Variants in DIP2A observed in about 807,000 individuals in gnomAD.
DIP2A encodes disco-interacting protein 2 homolog A.
A neutral mutation model predicts 177.4 loss-of-function variants in DIP2A; 85 were observed. The ratio of observed to expected loss-of-function variants is 0.48; its 90% CI spans 0.40 to 0.57. The LOEUF (loss-of-function observed/expected upper bound fraction) is 0.57, where lower values mean the gene tolerates loss of function less well. Among genes scored for constraint, DIP2A ranks in the 20% least tolerant of loss-of-function variants. The pLI, the probability that DIP2A is intolerant of heterozygous loss-of-function variation, is 0.00. For synonymous variants in DIP2A, 886 were observed against 881.8 expected (o/e 1.00, Z -0.08); for missense variants, 1,791 against 2,100.2 (o/e 0.85, Z 2.88).
At chr21:46,483,910 GTT>G (rs1213804163) in intron 1 of DIP2A, among the ~76,000 whole-genome samples, 1 of 152,182 alleles carries the variant, frequency 6.6e-6, no homozygotes, top group Non-Finnish European at 1.5e-5. Context: ...CACATCCCCT[GTT>G]AGAACTTCCA....
In DIP2A at chr21:46,467,737, TTTTG is replaced by T. The variant is rs137884260; in HGVS notation, c.91+8523_91+8526del. 7.2e-3 allele frequency among the ~76,000 whole-genome samples: 1,099 copies of T among 152,130 alleles called. 8 individuals are homozygous for T. The highest frequency in any genetic ancestry group is 0.025 in the African/African-American group (1,056 of 41,518). Reference sequence around the variant, plus strand: ...ATGTTTCGGGAATACCCTCTTTAGGTTTTGTTTGTTTTTTTTTTCATAGTAAATT... The same window carrying T: ...ATGTTTCGGGAATACCCTCTTTAGGTTTTGTTTTTTTTTTCATAGTAAATT... On this transcript the variant is annotated intron_variant, in intron 1 of 37. Coordinates refer to ENST00000417564, the MANE Select transcript of DIP2A (RefSeq NM_015151.4).
In DIP2A at chr21:46,567,841, T is replaced by TG; in HGVS notation, c.*221dup. On this transcript the variant is annotated 3_prime_UTR_variant, in exon 38 of 38. Transcript: ENST00000417564. ...AGTACATTTACAAAAACACGGATGC[T>TG]GGTATTTTAACAGATGGAGAGACAA... 4.0e-6 allele frequency: 2 copies of TG among 505,068 alleles called. No individual in the cohort carries two copies. Among genetic ancestry groups the TG allele is most frequent in the Non-Finnish European group, 6.5e-6 (2 of 306,938 alleles). 31.3% of individuals were successfully genotyped at this position (505,068 alleles called of 1,614,324 possible).
intron 21 of DIP2A, 149 bp downstream of exon 21, chr21:46,547,191 A>C: frequency 7.0e-7 from 1 of 1,425,550 alleles, no homozygotes; most frequent in Non-Finnish European, 9.2e-7. Context: ...GTAAAAGGAA[A>C]ATATTTGCAG....
intron 25 of DIP2A, among the ~76,000 whole-genome samples, chr21:46,552,331 G>A (rs1437074028): frequency 6.6e-6 from 1 of 152,154 alleles, no homozygotes; most frequent in African/African-American, 2.4e-5. Flanking sequence ...AATGACAAAT[G>A]TTGCTTCCTG....
intron 12 of DIP2A, among the ~76,000 whole-genome samples, chr21:46,534,332 G>A (rs1360708682): frequency 6.6e-6 from 1 of 152,126 alleles, no homozygotes; most frequent in Non-Finnish European, 1.5e-5. Flanking sequence ...GCTCCCTGGG[G>A]ATGCAGACAG....
At chr21:46,464,129 C>T (rs2054587183) in intron 1 of DIP2A, among the ~76,000 whole-genome samples, 2 of 152,006 alleles carry the variant, frequency 1.3e-5, no homozygotes, top group African/African-American at 2.4e-5. Flanking sequence ...CGCAGTGGCT[C>T]ACACCTGTAA....
At chr21:46,467,658 A>G (rs1417469659) in intron 1 of DIP2A, among the ~76,000 whole-genome samples, 1 of 152,226 alleles carries the variant, frequency 6.6e-6, no homozygotes, top group East Asian at 1.9e-4. Context: ...AATCTTTAAA[A>G]GTTACACTTA....
chr21:46,527,628 G>T (rs1299714926), intron 8 of DIP2A, among the ~76,000 whole-genome samples: 1 of 151,422 alleles, frequency 6.6e-6, no homozygotes, highest in Non-Finnish European at 1.5e-5. Flanking sequence ...GCCCAGTCTA[G>T]TATTTTTTTT....
chr21:46,561,162 A>G (rs1012580227), intron 33 of DIP2A: 2 of 471,744 alleles, frequency 4.2e-6, no homozygotes, highest in Non-Finnish European at 6.2e-6. Flanking sequence ...CAAGTAACCC[A>G]TCTACTGGCA....
chr21:46,507,050 A>G (rs1158360517), intron 6 of DIP2A, among the ~76,000 whole-genome samples: 1 of 151,804 alleles, frequency 6.6e-6, no homozygotes, highest in African/African-American at 2.4e-5. Flanking sequence ...CTGGGATTAC[A>G]GTGTGAGCCA....
chr21:46,552,049 T>G (rs932261144), intron 25 of DIP2A, 145 bp downstream of exon 25: 15 of 969,492 alleles, frequency 1.5e-5, no homozygotes, highest in Admixed American at 4.1e-5. Flanking sequence ...GTCCTGGTTG[T>G]TCTCATGCGT....
Position 46,554,952 on chromosome 21 carries a change from CCCAGGA to C in DIP2A, c.3388+24_3388+29del, listed in dbSNP as rs2060410902. The stretch of plus-strand genomic sequence containing the variant: ...GACACAGGTGCGTGTCCTCGCACTG[CCCAGGA>C]CCAGTCCCTTTTCCTTTCTTTGTTG... On this transcript the variant is annotated intron_variant, in intron 28 of 37. Coordinates refer to ENST00000417564, the MANE Select transcript of DIP2A (RefSeq NM_015151.4). 1 of 1,543,566 alleles carries C rather than the reference CCCAGGA, an allele frequency of 6.5e-7. No individual in the cohort carries two copies. The highest frequency in any genetic ancestry group is 1.4e-5 in the African/African-American group (1 of 72,912).
chr21:46,511,311 T>C lies in DIP2A; in HGVS notation c.905-106T>C. The C allele has an allele frequency of 2.5e-6, 3 of 1,194,186 alleles. No homozygotes were observed. The East Asian group carries it at 8.1e-5, about 32-fold the overall frequency. The allele number at this position is 1,194,186 out of a possible 1,614,324, so 74.0% of individuals were successfully genotyped here. On this transcript the variant is annotated intron_variant, in intron 7 of 37. Coordinates refer to ENST00000417564, the MANE Select transcript of DIP2A (RefSeq NM_015151.4). ...CGAAACAAATTATTGTAAGCTTTTT[T>C]ATAGTTGGGATTAAAAAACAATATT...
downstream of DIP2A, among the ~76,000 whole-genome samples, chr21:46,574,253 C>G (rs1285939877): frequency 6.6e-6 from 1 of 151,828 alleles, no homozygotes; most frequent in Non-Finnish European, 1.5e-5. Context: ...ACCAATGGAT[C>G]AAAGAAGAAA....
chr21:46,576,049 A>C, the DIP2A span, among the ~76,000 whole-genome samples: 1 of 152,228 alleles, frequency 6.6e-6, no homozygotes, highest in Admixed American at 6.5e-5. Context: ...AGATAAGCAA[A>C]TTTTGTTGTT....
At chr21:46,534,552 C>A (rs371757549) in intron 12 of DIP2A, 33 bp from the exon 13 acceptor site, 1 of 1,590,182 alleles carries the variant, frequency 6.3e-7, no homozygotes, top group Non-Finnish European at 8.6e-7. Context: ...TCTAGAAATA[C>A]CACATCATGT....
At chr21:46,558,129 T>C in intron 31 of DIP2A, 94 bp from the exon 32 acceptor site, 3 of 1,337,416 alleles carry the variant, frequency 2.2e-6, no homozygotes, top group Non-Finnish European at 3.0e-6. Flanking sequence ...GCTCCACCTC[T>C]GTGTGCCCAC....
chr21:46,480,596 T>A (rs186943943), intron 1 of DIP2A, among the ~76,000 whole-genome samples: 1 of 152,286 alleles, frequency 6.6e-6, no homozygotes, highest in East Asian at 1.9e-4. Context: ...TGCCTTGGGA[T>A]CCTGGGTAAG....
At chr21:46,490,511 T>G in intron 2 of DIP2A, 89 bp from the exon 3 acceptor site, 3 of 1,423,310 alleles carry the variant, frequency 2.1e-6, no homozygotes, top group African/African-American at 1.4e-5. Flanking sequence ...ATGCAACAGA[T>G]GAGAAATGTA....
Sources: gnomAD v4.1 joint callset for allele counts (sites outside exome capture counted in the v4.1 genomes callset) on GRCh38, gnomAD v4.1.1 for gene constraint, MANE v1.5 for transcripts, NCBI Gene and HGNC (gene_info 2026-07-23, HGNC 2026-07-21) for gene names.